The following TTC23 variants were observed in gnomAD, a reference collection of about 807,000 sequenced individuals.
The protein encoded by TTC23 is tetratricopeptide repeat protein 23.
In TTC23, 58 loss-of-function variants were observed where a neutral mutation model predicts 55.1. The ratio of observed to expected loss-of-function variants is 1.05; its 90% confidence interval spans 0.85 to 1.31. The LOEUF is 1.31. Ranked by LOEUF, TTC23 falls within the 50% of genes most tolerant of loss-of-function variation. The pLI is 0.00. For missense variants in TTC23, 516 were observed against 534.4 expected, an observed-to-expected ratio of 0.97 and a Z score of 0.34; for synonymous variants, 203 against 199.9, an observed-to-expected ratio of 1.02 and a Z score of -0.13.
At chr15:99,140,239 C>G (rs113557814) in intron 12 of TTC23, 1 of 152,736 alleles carries the variant, frequency 6.5e-6, no homozygotes, top group Non-Finnish European at 1.5e-5. Context: ...GTACTGGGAC[C>G]GCTGGTTTTC....
At chr15:99,164,990 T>G (rs1388556518) in intron 10 of TTC23, among the ~76,000 whole-genome samples, 1 of 152,190 alleles carries the variant, frequency 6.6e-6, no homozygotes. Context: ...AAGGGGACCA[T>G]TATATTAATA....
chr15:99,191,075 G>A (rs527572269), intron 9 of TTC23, among the ~76,000 whole-genome samples: 65 of 152,128 alleles, frequency 4.3e-4, no homozygotes, highest in Non-Finnish European at 6.3e-4. Flanking sequence ...ATGAGCTACC[G>A]TGCCTAGTCT....
At chr15:99,170,596 G>A (rs2072784162) in intron 10 of TTC23, among the ~76,000 whole-genome samples, 1 of 152,222 alleles carries the variant, frequency 6.6e-6, no homozygotes, top group African/African-American at 2.4e-5. Flanking sequence ...GCTGTTGAGA[G>A]CTGTGAGGGA....
chr15:99,145,623 G>GT (rs1402414196), intron 12 of TTC23, among the ~76,000 whole-genome samples: 2 of 151,730 alleles, frequency 1.3e-5, no homozygotes, highest in Non-Finnish European at 3.0e-5. Flanking sequence ...AATTCCGAGT[G>GT]TTTGTTTGAG....
At chr15:99,227,778 C>T (rs977388262) in intron 5 of TTC23, among the ~76,000 whole-genome samples, 7 of 152,188 alleles carry the variant, frequency 4.6e-5, no homozygotes, top group Non-Finnish European at 8.8e-5. Flanking sequence ...CTACCTCTGT[C>T]CAGAACATTT....
intron 5 of TTC23, among the ~76,000 whole-genome samples, chr15:99,225,779 G>A (rs1389402981): frequency 6.6e-6 from 1 of 152,112 alleles, no homozygotes; most frequent in Non-Finnish European, 1.5e-5. Context: ...TATATACATA[G>A]TCTCAGTGAA....
At chr15:99,214,226 G>A (rs187621224) in intron 8 of TTC23, among the ~76,000 whole-genome samples, 94 of 151,930 alleles carry the variant, frequency 6.2e-4, no homozygotes, top group African/African-American at 2.2e-3. Context: ...AGATCCTCCC[G>A]GCCGGGTGCG....
intron 10 of TTC23, among the ~76,000 whole-genome samples, chr15:99,174,284 C>G (rs372476679): frequency 8.5e-5 from 13 of 152,172 alleles, no homozygotes; most frequent in Admixed American, 7.2e-4. Context: ...ATGTGCTGGC[C>G]TCATTTTAGC....
chr15:99,218,469 T>G, intron 8 of TTC23, 119 bp downstream of exon 8: 4 of 1,303,264 alleles, frequency 3.1e-6, no homozygotes, highest in South Asian at 1.4e-5. Flanking sequence ...TTTTACACAG[T>G]GACCTCCAGA....
chr15:99,150,419 A>G (rs1046304585), intron 12 of TTC23, among the ~76,000 whole-genome samples: 2 of 152,234 alleles, frequency 1.3e-5, no homozygotes, highest in African/African-American at 4.8e-5. Flanking sequence ...AATTTTCTGC[A>G]AAGGGCCATA....
intron 3 of TTC23, among the ~76,000 whole-genome samples, chr15:99,236,111 T>C (rs2079298421): frequency 6.6e-6 from 1 of 152,200 alleles, no homozygotes; most frequent in Admixed American, 6.5e-5. Flanking sequence ...AATGTACAAG[T>C]ATCTCTTTGG....
intron 9 of TTC23, among the ~76,000 whole-genome samples, chr15:99,190,817 T>C (rs2075188582): frequency 6.6e-6 from 1 of 152,156 alleles, no homozygotes; most frequent in Non-Finnish European, 1.5e-5. Flanking sequence ...TGAAGTGCAG[T>C]GGCGTCCAGG....
chr15:99,154,847 A>G (rs1392902722), intron 12 of TTC23, among the ~76,000 whole-genome samples: 4 of 152,220 alleles, frequency 2.6e-5, no homozygotes, highest in Non-Finnish European at 5.9e-5. Context: ...TAAAACCAGC[A>G]TCTATTAAAT....
intron 9 of TTC23, among the ~76,000 whole-genome samples, chr15:99,194,981 G>C (rs2075579005): frequency 1.3e-5 from 2 of 152,138 alleles, no homozygotes; most frequent in African/African-American, 2.4e-5. Flanking sequence ...AAAACTCCTA[G>C]AACATGACAC....
chr15:99,142,351 A>C (rs1446468261), intron 12 of TTC23, among the ~76,000 whole-genome samples: 2 of 152,154 alleles, frequency 1.3e-5, no homozygotes, highest in Admixed American at 1.3e-4. Flanking sequence ...TTCTTACCAG[A>C]ATAGACTCTA....
intron 4 of TTC23, among the ~76,000 whole-genome samples, chr15:99,231,998 G>C (rs1409259814): frequency 6.7e-6 from 1 of 149,122 alleles, no homozygotes; most frequent in Non-Finnish European, 1.5e-5. Flanking sequence ...CTCCATGTTG[G>C]TCAGGCTGCT....
intron 7 of TTC23, 81 bp downstream of exon 7, chr15:99,218,817 A>G (rs926615790): frequency 1.3e-5 from 21 of 1,594,714 alleles, no homozygotes; most frequent in Non-Finnish European, 1.8e-5. Context: ...TAAGTCATCC[A>G]TCAGCATCAG....
chr15:99,191,990 G>A (rs2075287957), intron 9 of TTC23, among the ~76,000 whole-genome samples: 1 of 152,190 alleles, frequency 6.6e-6, no homozygotes, highest in Non-Finnish European at 1.5e-5. Context: ...GGTGATTCTT[G>A]TTACGTTTTA....
intron 6 of TTC23, among the ~76,000 whole-genome samples, chr15:99,221,487 A>G (rs1054542045): frequency 5.9e-5 from 9 of 152,190 alleles, no homozygotes; most frequent in Non-Finnish European, 1.0e-4. Flanking sequence ...TCTCCTAAGA[A>G]CCTTACTTTT....
Sources: allele counts gnomAD v4.1 joint callset (sites outside exome capture counted in the v4.1 genomes callset), GRCh38; gene constraint gnomAD v4.1.1; transcripts MANE v1.5; gene names NCBI Gene and HGNC (gene_info 2026-07-23, HGNC 2026-07-21).